NR3C2: variants seen among roughly 807,000 people sequenced by gnomAD.
NR3C2 encodes the protein mineralocorticoid receptor.
Under a neutral mutation model 86.4 loss-of-function variants are expected in NR3C2, and 15 were observed. The observed-to-expected ratio is 0.17, with a 90% CI of 0.12 to 0.27. The LOEUF (loss-of-function observed/expected upper bound fraction) is 0.27. NR3C2 is among the 10% of genes least tolerant of loss of function. The probability of loss-of-function intolerance (pLI) is 1.00; values close to 1 mark genes in which losing one functional copy is unlikely to be tolerated. For missense variants in NR3C2, 960 were observed against 1,195.6 expected, an observed-to-expected ratio of 0.80 and a Z score of 2.91; for synonymous variants, 458 against 450.5, an observed-to-expected ratio of 1.02 and a Z score of -0.21.
intron 2 of NR3C2, among the ~76,000 whole-genome samples, chr4:148,408,925 T>C (rs1451497041): frequency 1.3e-5 from 2 of 152,156 alleles, no homozygotes; most frequent in Non-Finnish European, 2.9e-5. Context: ...TTGAAAGTTA[T>C]TAGAAATATT....
At chr4:148,146,110 G>A (rs904559485) in intron 6 of NR3C2, among the ~76,000 whole-genome samples, 1 of 152,062 alleles carries the variant, frequency 6.6e-6, no homozygotes, top group African/African-American at 2.4e-5. Context: ...GGAGAGAGAA[G>A]GAAGAACAAA....
rs142325984 is a variant in NR3C2 at position 148,170,035 on chromosome 4, C to T, written c.2015-15134G>A. Reference sequence around the variant, plus strand: ...AGGGAAAGGACAGATATTAAAAATTCGGTCTACACCATGGTTTCTCAACTT... The same window carrying T: ...AGGGAAAGGACAGATATTAAAAATTTGGTCTACACCATGGTTTCTCAACTT... On this transcript the variant is annotated intron_variant, in intron 4 of 8. Coordinates refer to ENST00000358102, the MANE Select transcript of NR3C2 (RefSeq NM_000901.5). Among the ~76,000 whole-genome samples, 607 of 152,022 alleles carry T rather than the reference C, an allele frequency of 4.0e-3. 1 individual carries two copies. The highest frequency in any genetic ancestry group is 0.01 in the African/African-American group (427 of 41,452).
chr4:148,436,306 G>A lies in NR3C2; in HGVS notation c.555C>T (p.Ile185=), dbSNP rs72645688. 1.7e-4 allele frequency: 268 copies of A among 1,614,186 alleles called. No individual in the cohort carries two copies. In the African/African-American group the frequency reaches 3.1e-3, roughly 19 times the overall value. Residue 185 remains isoleucine, a synonymous_variant, in exon 2 of 9, where the codon ATC becomes ATT. Transcript: ENST00000358102. ...GVMRAVVKSP[I]MCHEKSPSVC... is the part of the protein sequence containing the mutation. ...CAGACGGGCTTTTCTCATGACACAT[G>A]ATAGGGCTTTTAACAACGGCGCGCA...
rs10708334 is a variant in NR3C2 at position 148,080,865 on chromosome 4, AT to A, written c.*478del. 237,439 of 362,950 alleles carry A rather than the reference AT, an allele frequency of 0.65. 80,796 individuals are homozygous for A. Among genetic ancestry groups the A allele is most frequent in the East Asian group, 0.8 (10,467 of 13,024 alleles). The allele number at this position is 362,950 out of a possible 1,614,324, so 22.5% of individuals were successfully genotyped here. ...TATTACACAACAGGAATCTGTATATATTTTTTTATTATTTTTTTGTGTTTTT... is the reference window on the plus strand; with the variant it reads ...TATTACACAACAGGAATCTGTATATATTTTTTATTATTTTTTTGTGTTTTT... On this transcript the variant is annotated 3_prime_UTR_variant, in exon 9 of 9. Transcript: ENST00000358102.
chr4:148,114,798 A>T (rs914873143), intron 7 of NR3C2, among the ~76,000 whole-genome samples: 1 of 152,218 alleles, frequency 6.6e-6, no homozygotes, highest in African/African-American at 2.4e-5. Flanking sequence ...GGCTAGAATT[A>T]GAAATCAACA....
intron 3 of NR3C2, among the ~76,000 whole-genome samples, chr4:148,211,282 G>A (rs1737270301): frequency 6.6e-6 from 1 of 152,332 alleles, no homozygotes; most frequent in South Asian, 2.1e-4. Flanking sequence ...ATAAGATTGT[G>A]TATGCATGTG....
Position 148,154,828 on chromosome 4 carries a change from G to A in NR3C2, c.2088C>T (p.Pro696=). 6.8e-7 allele frequency: 1 copy of A among 1,466,124 alleles called. No homozygotes were observed. The highest frequency in any genetic ancestry group is 1.1e-5 in the South Asian group (1 of 87,162). The allele number at this position is 1,466,124 out of a possible 1,614,324, so 90.8% of individuals were successfully genotyped here. A position where few individuals can be genotyped will look rare whatever the true frequency, so the allele number is the denominator to read the frequency against. Residue 696 remains proline, a synonymous_variant, in exon 5 of 9, where the codon CCC becomes CCT. Transcript: ENST00000358102. The part of the protein sequence containing the change: ...EEQPQQQQPP[P]PPPPPQSPEE... ...CTGGGCTTTGCGGGGGTGGGGGTGGGGGTGGGGGCTGCTGCTGCTGTGGCT... is the reference window on the plus strand; with the variant it reads ...CTGGGCTTTGCGGGGGTGGGGGTGGAGGTGGGGGCTGCTGCTGCTGTGGCT...
chr4:148,257,750 A>T lies in NR3C2; in HGVS notation c.1897+2228T>A, dbSNP rs1383436473. Among the ~76,000 whole-genome samples the T allele has an allele frequency of 2.0e-5, 3 of 152,172 alleles. No individual in the cohort carries two copies. In the East Asian group the frequency reaches 5.8e-4, roughly 29 times the overall value. On this transcript the variant is annotated intron_variant, in intron 3 of 8. Transcript: ENST00000358102. ...ATAAAAGAGTAAACTAACAAAAAAT[A>T]CAAAAACACAAAAACAAATAGGTCT...
intron 3 of NR3C2, among the ~76,000 whole-genome samples, chr4:148,255,874 C>T (rs555771172): frequency 2.0e-5 from 3 of 152,314 alleles, no homozygotes; most frequent in African/African-American, 7.2e-5. Context: ...AAGGCCTACA[C>T]AAATTCTTCA....
intron 2 of NR3C2, among the ~76,000 whole-genome samples, chr4:148,284,430 C>T (rs544008877): frequency 1.3e-5 from 2 of 152,070 alleles, no homozygotes; most frequent in Non-Finnish European, 2.9e-5. Context: ...GTCTGAGTGT[C>T]GATAGCTCAT....
Position 148,435,653 on chromosome 4 carries a change from T to C in NR3C2, c.1208A>G (p.Asp403Gly), listed in dbSNP as rs779145339. Residue 403 changes from aspartate to glycine, a missense_variant, in exon 2 of 9, where the codon GAT becomes GGT. By Grantham distance (94) the Asp-to-Gly change is moderately conservative (BLOSUM62 -1). Coordinates refer to ENST00000358102, the MANE Select transcript of NR3C2 (RefSeq NM_000901.5). Reference sequence around the variant, plus strand: ...TAGACATGAGCTGCTAAAAGCTCCATCTGGTTCTGGTTTTATGTACTGGAC... The same window carrying C: ...TAGACATGAGCTGCTAAAAGCTCCACCTGGTTCTGGTTTTATGTACTGGAC... ...NIVQYIKPEP[D>G]GAFSSSCLGG... 11 of 1,614,094 alleles carry C rather than the reference T, an allele frequency of 6.8e-6. No individual in the cohort carries two copies. The highest frequency in any genetic ancestry group is 9.3e-6 in the Non-Finnish European group (11 of 1,180,056).
intron 2 of NR3C2, among the ~76,000 whole-genome samples, chr4:148,362,469 A>C (rs1261340024): frequency 6.6e-6 from 1 of 152,214 alleles, no homozygotes; most frequent in African/African-American, 2.4e-5. Context: ...AAAACTTTAA[A>C]ATTTAAAAAT....
At chr4:148,099,425 T>G (rs940097978) in intron 8 of NR3C2, among the ~76,000 whole-genome samples, 14 of 152,196 alleles carry the variant, frequency 9.2e-5, no homozygotes, top group Non-Finnish European at 2.1e-4. Context: ...CTCAGGTGCT[T>G]CTTTCCCTCC....
At chr4:148,342,096 G>T (rs931229978) in intron 2 of NR3C2, among the ~76,000 whole-genome samples, 1 of 152,140 alleles carries the variant, frequency 6.6e-6, no homozygotes, top group Non-Finnish European at 1.5e-5. Flanking sequence ...AGGGGTTGCT[G>T]AAGACAGTCC....
chr4:148,084,167 A>C (rs1185106159), intron 8 of NR3C2, among the ~76,000 whole-genome samples: 1 of 152,204 alleles, frequency 6.6e-6, no homozygotes, highest in Non-Finnish European at 1.5e-5. Flanking sequence ...AATACAGAGA[A>C]CACCACAAAG....
intron 4 of NR3C2, among the ~76,000 whole-genome samples, chr4:148,178,733 C>T (rs1038708221): frequency 4.6e-5 from 7 of 151,398 alleles, no homozygotes; most frequent in Non-Finnish European, 8.9e-5. Context: ...ATCGGAAGCC[C>T]TGTTCTGGGT....
chr4:148,373,120 G>A (rs1746498554), intron 2 of NR3C2, among the ~76,000 whole-genome samples: 1 of 152,116 alleles, frequency 6.6e-6, no homozygotes, highest in Non-Finnish European at 1.5e-5. Flanking sequence ...TTATTTGTTT[G>A]TCTTTCTAAG....
intron 3 of NR3C2, among the ~76,000 whole-genome samples, chr4:148,211,893 A>G (rs1233785811): frequency 6.6e-6 from 1 of 152,200 alleles, no homozygotes; most frequent in Non-Finnish European, 1.5e-5. Flanking sequence ...TGGAATTTGT[A>G]AAAATGGTTA....
chr4:148,251,908 G>A (rs1739596572), intron 3 of NR3C2, among the ~76,000 whole-genome samples: 1 of 152,130 alleles, frequency 6.6e-6, no homozygotes, highest in African/African-American at 2.4e-5. Context: ...TAAAGCCAGA[G>A]TTGTTGCCCT....
Sources: gnomAD v4.1 joint callset for allele counts (sites outside exome capture counted in the v4.1 genomes callset) on GRCh38, gnomAD v4.1.1 for gene constraint, MANE v1.5 for transcripts, NCBI Gene and HGNC (gene_info 2026-07-23, HGNC 2026-07-21) for gene names.